Variants in NTN1 observed in about 807,000 individuals in gnomAD.
The protein encoded by NTN1 is netrin 1.
In NTN1, 11 loss-of-function variants were observed where a neutral mutation model predicts 54.2. The observed-to-expected ratio is 0.20, with a 90% confidence interval of 0.13 to 0.34. The LOEUF (loss-of-function observed/expected upper bound fraction) is 0.34. Among genes scored for constraint, NTN1 ranks in the 10% least tolerant of loss-of-function variants. The pLI, the probability that NTN1 is intolerant of heterozygous loss-of-function variation, is 1.00. For missense variants in NTN1, 740 were observed against 893.1 expected, an observed-to-expected ratio of 0.83 and a Z score of 2.18; for synonymous variants, 371 against 382.0, an observed-to-expected ratio of 0.97 and a Z score of 0.33.
At chr17:9,111,306 G>A (rs1278014142) in intron 2 of NTN1, among the ~76,000 whole-genome samples, 1 of 152,158 alleles carries the variant, frequency 6.6e-6, no homozygotes, top group African/African-American at 2.4e-5. Context: ...ATAAGGTCAC[G>A]TTTACAGGCA....
At chr17:9,116,222 C>G (rs183780648) in intron 2 of NTN1, among the ~76,000 whole-genome samples, 1 of 152,320 alleles carries the variant, frequency 6.6e-6, no homozygotes, top group African/African-American at 2.4e-5. Context: ...AGAACAGGTG[C>G]CTCTTGGCAT....
chr17:9,074,121 G>A (rs915755855), intron 2 of NTN1, among the ~76,000 whole-genome samples: 6 of 152,238 alleles, frequency 3.9e-5, no homozygotes, highest in Non-Finnish European at 8.8e-5. Context: ...GAGGGCACCA[G>A]TTAGGCAGCA....
intron 2 of NTN1, among the ~76,000 whole-genome samples, chr17:9,141,194 C>T (rs7214261): frequency 0.076 from 11,467 of 151,596 alleles, 1,451 homozygotes; most frequent in African/African-American, 0.26. Context: ...CATTTCCCCC[C>T]GAGAAGACAG....
At chr17:9,128,174 G>T (rs1469872613) in intron 2 of NTN1, among the ~76,000 whole-genome samples, 1 of 151,772 alleles carries the variant, frequency 6.6e-6, no homozygotes, top group African/African-American at 2.4e-5. Flanking sequence ...GCTGGGTGTG[G>T]TGATGCATGC....
intron 5 of NTN1, among the ~76,000 whole-genome samples, chr17:9,202,029 T>TACACACAC (rs1200661283): frequency 0.096 from 2,567 of 26,774 alleles, 337 homozygotes; most frequent in East Asian, 0.15. Context: ...CTACTAAAAA[T>TACACACAC]ACACACACAC....
intron 5 of NTN1, among the ~76,000 whole-genome samples, chr17:9,200,446 C>T (rs967915823): frequency 2.6e-5 from 4 of 152,210 alleles, no homozygotes; most frequent in Non-Finnish European, 4.4e-5. Context: ...GCTGTTACAG[C>T]GGATTAGCAG....
At chr17:9,016,492 AGAATTTCCTGTGATAAGG>A (rs1293441553), upstream of NTN1, among the ~76,000 whole-genome samples, 1 of 152,178 alleles carries the variant, frequency 6.6e-6, no homozygotes, top group Non-Finnish European at 1.5e-5. Flanking sequence ...GCTATCCAAC[AGAATTTCCTGTGATAAGG>A]GAATTTTTCT....
intron 2 of NTN1, among the ~76,000 whole-genome samples, chr17:9,120,711 T>C (rs970073377): frequency 6.6e-6 from 1 of 152,080 alleles, no homozygotes; most frequent in African/African-American, 2.4e-5. Flanking sequence ...GTGGGCAGAG[T>C]TGGTGGGGGT....
chr17:9,155,380 C>T (rs976694940), intron 2 of NTN1, among the ~76,000 whole-genome samples: 6 of 144,040 alleles, frequency 4.2e-5, no homozygotes, highest in Middle Eastern at 4.0e-3. Flanking sequence ...TTGCTCTTGT[C>T]GCCCAGGCTG....
chr17:9,229,024 G>A (rs1905705395), intron 6 of NTN1, among the ~76,000 whole-genome samples: 1 of 52,612 alleles, frequency 1.9e-5, no homozygotes, highest in Non-Finnish European at 3.5e-5. Flanking sequence ...GACTGTGTGA[G>A]ACTGTGTGAC....
At chr17:9,195,716 C>T (rs940727483) in intron 5 of NTN1, among the ~76,000 whole-genome samples, 1 of 152,176 alleles carries the variant, frequency 6.6e-6, no homozygotes, top group Non-Finnish European at 1.5e-5. Context: ...AGGCCCTCAG[C>T]GTACAGACTC....
intron 5 of NTN1, among the ~76,000 whole-genome samples, chr17:9,186,977 A>G (rs967402188): frequency 6.6e-6 from 1 of 152,156 alleles, no homozygotes; most frequent in Non-Finnish European, 1.5e-5. Context: ...CCTGAGGGCT[A>G]CTTGATCCCT....
chr17:9,236,125 G>GC (rs901377545), intron 6 of NTN1, among the ~76,000 whole-genome samples: 20 of 46,654 alleles, frequency 4.3e-4, no homozygotes, highest in Admixed American at 2.2e-3. Flanking sequence ...ATAAGAATTT[G>GC]GGGGGGGGGG....
chr17:9,072,731 C>G (rs1275330762), intron 2 of NTN1, among the ~76,000 whole-genome samples: 2 of 152,212 alleles, frequency 1.3e-5, no homozygotes, highest in Non-Finnish European at 2.9e-5. Flanking sequence ...AGCAATATCT[C>G]TCCCCCCAGA....
intron 2 of NTN1, among the ~76,000 whole-genome samples, chr17:9,033,124 T>G (rs1283525004): frequency 6.6e-6 from 1 of 152,036 alleles, no homozygotes; most frequent in Non-Finnish European, 1.5e-5. Context: ...CAGCTAGTTT[T>G]TATATTTTTA....
chr17:9,020,968 GTCACA>G (rs1333877484), upstream of NTN1, among the ~76,000 whole-genome samples: 1 of 152,184 alleles, frequency 6.6e-6, no homozygotes, highest in Non-Finnish European at 1.5e-5. Flanking sequence ...GCAGGCAGAG[GTCACA>G]TCCTCCTCCT....
chr17:9,195,192 A>ACCGCCCCCCCCCCCCCCC (rs3031881), intron 5 of NTN1, among the ~76,000 whole-genome samples: 8 of 142,392 alleles, frequency 5.6e-5, no homozygotes, highest in Admixed American at 2.1e-4. Context: ...GGCGAGCTCT[A>ACCGCCCCCCCCCCCCCCC]CCACCCCTCC....
intron 2 of NTN1, among the ~76,000 whole-genome samples, chr17:9,034,974 T>G (rs957110235): frequency 3.7e-4 from 56 of 152,200 alleles, no homozygotes; most frequent in African/African-American, 1.2e-3. Flanking sequence ...TGAGACGGAG[T>G]TTCGCTCTGT....
At position 9,130,336 on chromosome 17, in the gene NTN1, C is replaced by T. The variant is rs192981080; in HGVS notation, c.1019-32477C>T. 5.0e-4 allele frequency among the ~76,000 whole-genome samples: 76 copies of T among 152,216 alleles called. 1 individual carries two copies. The highest frequency in any genetic ancestry group is 1.5e-3 in the African/African-American group (61 of 41,510). On this transcript the variant is annotated intron_variant, in intron 2 of 6. Coordinates refer to ENST00000173229, the MANE Select transcript of NTN1 (RefSeq NM_004822.3). The stretch of plus-strand genomic sequence containing the variant: ...AAATCATCCTGAGGACTAAGGGAGG[C>T]GGCAGGAGTCCCGTGCCTTGCTCAC...
Sources: allele counts gnomAD v4.1 joint callset (sites outside exome capture counted in the v4.1 genomes callset), GRCh38; gene constraint gnomAD v4.1.1; transcripts MANE v1.5; gene names NCBI Gene and HGNC (gene_info 2026-07-23, HGNC 2026-07-21).